Variants in RNF125 observed in about 807,000 individuals in gnomAD.
RNF125 encodes E3 ubiquitin-protein ligase RNF125.
RNF125 carries 21 observed loss-of-function variants against 26.0 expected under a neutral mutation model. The observed-to-expected ratio is 0.81, with a 90% CI of 0.57 to 1.16. RNF125 has a LOEUF of 1.16. RNF125 is among the 50% of genes most tolerant of loss of function. The probability of loss-of-function intolerance (pLI) is 0.00; values close to 1 mark genes in which losing one functional copy is unlikely to be tolerated. For missense variants in RNF125, 270 were observed against 299.4 expected (o/e 0.90, Z 0.72); for synonymous variants, 95 against 109.2 (o/e 0.87, Z 0.81).
intron 4 of RNF125, among the ~76,000 whole-genome samples, chr18:32,053,127 C>T (rs1179154622): frequency 1.3e-5 from 2 of 152,162 alleles, no homozygotes; most frequent in Non-Finnish European, 1.5e-5. Context: ...CTTCGGGAGG[C>T]CGAGGCAGGG....
the RNF125 span, among the ~76,000 whole-genome samples, chr18:32,079,801 T>C: frequency 6.6e-6 from 1 of 152,220 alleles, no homozygotes; most frequent in East Asian, 1.9e-4. Flanking sequence ...TCCAGTGATA[T>C]AGCTCTTATA....
At chr18:32,043,641 A>G (rs1381852289) in intron 3 of RNF125, among the ~76,000 whole-genome samples, 1 of 152,208 alleles carries the variant, frequency 6.6e-6, no homozygotes. Flanking sequence ...TTTGATTGCA[A>G]GGTTGATGGC....
intron 3 of RNF125, among the ~76,000 whole-genome samples, chr18:32,045,252 G>A (rs536903418): frequency 1.3e-5 from 2 of 152,168 alleles, no homozygotes; most frequent in African/African-American, 2.4e-5. Context: ...CACTTGAAAT[G>A]TGGCTAGTCC....
intron 4 of RNF125, among the ~76,000 whole-genome samples, chr18:32,059,951 A>G (rs2039419735): frequency 6.6e-6 from 1 of 152,190 alleles, no homozygotes; most frequent in Middle Eastern, 3.2e-3. Context: ...TTTTGTTTCA[A>G]TCCTATTAAA....
At chr18:32,040,490 A>G (rs923548551) in intron 2 of RNF125, among the ~76,000 whole-genome samples, 1 of 151,506 alleles carries the variant, frequency 6.6e-6, no homozygotes, top group Non-Finnish European at 1.5e-5. Flanking sequence ...GGCTGGTCTC[A>G]AACTCCTGAC....
At chr18:32,031,509 AAAAG>A (rs1271050582) in intron 1 of RNF125, 2 of 150,928 alleles carry the variant, frequency 1.3e-5, no homozygotes, top group Admixed American at 6.6e-5. Flanking sequence ...AAAAAAAAAA[AAAAG>A]GGAAAACTGC....
chr18:32,068,261 G>T lies in RNF125; in HGVS notation c.613-37G>T. ...ATCCTCTAGTTTCTGAAATACTATT[G>T]ACTCTGAATATTTCTAATTATTTTT... On this transcript the variant is annotated intron_variant, in intron 5 of 5. Coordinates refer to ENST00000217740, the MANE Select transcript of RNF125 (RefSeq NM_017831.4). 3 of 1,145,004 alleles carry T rather than the reference G, an allele frequency of 2.6e-6. No homozygotes were observed. In the South Asian group the frequency reaches 3.8e-5, roughly 15 times the overall value. The allele number at this position is 1,145,004 out of a possible 1,614,324, so 70.9% of individuals were successfully genotyped here. A position where few individuals can be genotyped will look rare whatever the true frequency, so the allele number is the denominator to read the frequency against.
intron 4 of RNF125, among the ~76,000 whole-genome samples, chr18:32,047,326 C>T (rs1031022951): frequency 1.3e-5 from 2 of 152,224 alleles, no homozygotes; most frequent in East Asian, 1.9e-4. Context: ...TGTGAGCCAC[C>T]GCGCCTGGCC....
intron 1 of RNF125, among the ~76,000 whole-genome samples, chr18:32,029,639 C>T (rs974392718): frequency 6.6e-6 from 1 of 151,298 alleles, no homozygotes; most frequent in African/African-American, 2.4e-5. Flanking sequence ...AAATGATTTA[C>T]ATTCAAAGGA....
chr18:32,045,287 G>A (rs573521447), intron 3 of RNF125, among the ~76,000 whole-genome samples: 3 of 152,000 alleles, frequency 2.0e-5, no homozygotes, highest in South Asian at 4.1e-4. Flanking sequence ...GACCAGGTGC[G>A]GTGGCTCACG....
chr18:32,029,437 A>C (rs1175878073), intron 1 of RNF125, among the ~76,000 whole-genome samples: 2 of 150,790 alleles, frequency 1.3e-5, no homozygotes, highest in Non-Finnish European at 2.9e-5. Context: ...CAGCCTGGGC[A>C]ACAAAGTGAG....
At chr18:32,056,404 G>C (rs1005386077) in intron 4 of RNF125, among the ~76,000 whole-genome samples, 1 of 152,050 alleles carries the variant, frequency 6.6e-6, no homozygotes, top group East Asian at 1.9e-4. Context: ...CTGAGGTCAG[G>C]AGTTCGAGAC....
intron 2 of RNF125, among the ~76,000 whole-genome samples, chr18:32,040,347 C>T (rs1174058895): frequency 6.8e-6 from 1 of 146,592 alleles, no homozygotes; most frequent in Non-Finnish European, 1.5e-5. Flanking sequence ...TCTCAGCTCA[C>T]TGCAACCTCT....
At chr18:32,085,080 C>CGGCAT in the RNF125 span, among the ~76,000 whole-genome samples, 5 of 152,084 alleles carry the variant, frequency 3.3e-5, no homozygotes, top group Non-Finnish European at 1.5e-5. Context: ...AACCACTTTG[C>CGGCAT]GGCATTTCTT....
intron 1 of RNF125, among the ~76,000 whole-genome samples, chr18:32,032,761 A>G (rs1181689651): frequency 1.3e-5 from 2 of 152,128 alleles, no homozygotes; most frequent in African/African-American, 4.8e-5. Context: ...TGGGAGGCTG[A>G]GGCAGGAGAA....
chr18:32,027,719 T>G (rs997305656), intron 1 of RNF125, among the ~76,000 whole-genome samples: 1 of 152,100 alleles, frequency 6.6e-6, no homozygotes, highest in Non-Finnish European at 1.5e-5. Flanking sequence ...CACCAAAAAT[T>G]TTTCTCCTAA....
Position 32,037,266 on chromosome 18 carries a change from C to G in RNF125, c.315C>G (p.Thr105=). 6.4e-7 allele frequency: 1 copy of G among 1,562,650 alleles called. No individual in the cohort carries two copies. Among genetic ancestry groups the G allele is most frequent in the South Asian group, 1.2e-5 (1 of 83,294 alleles). ...ATAAGAACTGCGCTGAGTGTGACAC[C>G]CTGGTATGTATGTGACCCCACCTAT... ...SEYKNCAECD[T]LVCLSEMRAH... The change falls in exon 2 of 6, where the codon ACC becomes ACG. Residue 105 remains threonine, a synonymous_variant. Coordinates refer to ENST00000217740, the MANE Select transcript of RNF125 (RefSeq NM_017831.4).
At chr18:32,034,176 T>C (rs1872653200) in intron 1 of RNF125, among the ~76,000 whole-genome samples, 1 of 152,162 alleles carries the variant, frequency 6.6e-6, no homozygotes, top group South Asian at 2.1e-4. Flanking sequence ...CACCATCAGT[T>C]CTTCCCTTTT....
intron 1 of RNF125, among the ~76,000 whole-genome samples, chr18:32,033,319 A>T (rs542763874): frequency 6.6e-6 from 1 of 152,128 alleles, no homozygotes; most frequent in Non-Finnish European, 1.5e-5. Flanking sequence ...CAAAACTAGA[A>T]GGGAACACCA....
Sources: gnomAD v4.1 joint callset for allele counts (sites outside exome capture counted in the v4.1 genomes callset) on GRCh38, gnomAD v4.1.1 for gene constraint, MANE v1.5 for transcripts, NCBI Gene and HGNC (gene_info 2026-07-23, HGNC 2026-07-21) for gene names.